The following BRINP2 variants were observed in gnomAD, a reference collection of about 807,000 sequenced individuals.
The protein encoded by BRINP2 is BMP/retinoic acid-inducible neural-specific protein 2.
Under a neutral mutation model 69.2 loss-of-function variants are expected in BRINP2, and 21 were observed. The observed-to-expected ratio is 0.30, with a 90% CI of 0.22 to 0.44. The LOEUF (loss-of-function observed/expected upper bound fraction) is 0.44. Ranked by LOEUF, BRINP2 falls within the 20% of genes least tolerant of loss-of-function variation. The pLI is 1.00. For missense variants in BRINP2, 877 were observed against 986.0 expected (o/e 0.89, Z 1.48); for synonymous variants, 380 against 394.1 (o/e 0.96, Z 0.42).
intron 2 of BRINP2, among the ~76,000 whole-genome samples, chr1:177,240,095 T>G (rs1650148380): frequency 6.6e-6 from 1 of 152,188 alleles, no homozygotes; most frequent in South Asian, 2.1e-4. Context: ...TTCTTTGTTA[T>G]GAGCCCCAGT....
rs141102419 is a variant in BRINP2 at position 177,183,145 on chromosome 1, T to C, written c.-77+11413T>C. On this transcript the variant is annotated intron_variant, in intron 1 of 7. Coordinates refer to ENST00000361539, the MANE Select transcript of BRINP2 (RefSeq NM_021165.4). ...TGATGGCAGTGTGTGAGCTTTTTTT[T>C]TTTTTTTTTTTTTTTTTCTTTTTCT... Among the ~76,000 whole-genome samples, 553 of 144,196 alleles carry C rather than the reference T, an allele frequency of 3.8e-3. 7 individuals are homozygous for C. Among genetic ancestry groups the C allele is most frequent in the African/African-American group, 0.014 (529 of 38,660 alleles). 94.6% of individuals were successfully genotyped at this position (144,196 alleles called of 152,430 possible).
intron 4 of BRINP2, among the ~76,000 whole-genome samples, chr1:177,271,692 G>A (rs180855025): frequency 3.9e-5 from 6 of 152,130 alleles, no homozygotes; most frequent in Non-Finnish European, 7.4e-5. Context: ...GCGTGGCCTC[G>A]GTCTAGTTCT....
At chr1:177,192,618 G>A (rs1374810237) in intron 1 of BRINP2, among the ~76,000 whole-genome samples, 1 of 152,114 alleles carries the variant, frequency 6.6e-6, no homozygotes, top group East Asian at 1.9e-4. Flanking sequence ...GTATAGATGA[G>A]TTTCAACTTT....
At chr1:177,267,192 ACT>A (rs934385996) in intron 4 of BRINP2, among the ~76,000 whole-genome samples, 3 of 152,170 alleles carry the variant, frequency 2.0e-5, no homozygotes, top group Non-Finnish European at 2.9e-5. Flanking sequence ...TATTAAGAGA[ACT>A]CTGGTGAAAA....
At chr1:177,278,066 G>A (rs1279566448) in intron 6 of BRINP2, among the ~76,000 whole-genome samples, 2 of 152,190 alleles carry the variant, frequency 1.3e-5, no homozygotes, top group Non-Finnish European at 2.9e-5. Flanking sequence ...TCAGGGACTG[G>A]AGGATTTATA....
intron 1 of BRINP2, among the ~76,000 whole-genome samples, chr1:177,181,123 T>A (rs1648234020): frequency 6.6e-6 from 1 of 152,214 alleles, no homozygotes; most frequent in Non-Finnish European, 1.5e-5. Context: ...TTACCCAAGA[T>A]CTCACATCTA....
intron 1 of BRINP2, among the ~76,000 whole-genome samples, chr1:177,175,290 T>TGG (rs143330175): frequency 3.6e-4 from 54 of 149,360 alleles, no homozygotes; most frequent in Middle Eastern, 6.8e-3. Flanking sequence ...AAAAGCGGGG[T>TGG]GGGGGGGGCA....
chr1:177,237,169 G>C (rs1231955895), intron 2 of BRINP2, among the ~76,000 whole-genome samples: 3 of 152,274 alleles, frequency 2.0e-5, no homozygotes, highest in Admixed American at 6.5e-5. Context: ...ATTGGATTCA[G>C]GGTAAGGTTA....
intron 4 of BRINP2, among the ~76,000 whole-genome samples, chr1:177,265,229 G>A (rs887408036): frequency 6.6e-6 from 1 of 152,124 alleles, no homozygotes; most frequent in Non-Finnish European, 1.5e-5. Flanking sequence ...TTAATAAATG[G>A]TGCTGGGAAA....
intron 3 of BRINP2, chr1:177,256,349 T>G: frequency 3.0e-6 from 3 of 985,406 alleles, no homozygotes; most frequent in Non-Finnish European, 3.6e-6. Context: ...GTGGACAGGC[T>G]CCTAACAAGC....
At chr1:177,269,692 T>G (rs1651243233) in intron 4 of BRINP2, among the ~76,000 whole-genome samples, 1 of 152,144 alleles carries the variant, frequency 6.6e-6, no homozygotes, top group Admixed American at 6.5e-5. Context: ...TGCTCTTAGT[T>G]TGCAGGTGTC....
intron 6 of BRINP2, among the ~76,000 whole-genome samples, chr1:177,277,355 A>G (rs1289298663): frequency 2.6e-5 from 4 of 152,144 alleles, no homozygotes; most frequent in African/African-American, 9.6e-5. Context: ...ATCTGGATAG[A>G]GAGAAAGGGA....
In BRINP2 at chr1:177,280,995, G is replaced by A. The variant is rs761440262; in HGVS notation, c.1819G>A (p.Glu607Lys). 6.8e-6 allele frequency: 11 copies of A among 1,614,088 alleles called. No individual in the cohort carries two copies. In the African/African-American group the frequency reaches 1.5e-4, roughly 22 times the overall value. ...HSESWFMPVNEGSFPDWERTN... is the reference protein window; with the variant it reads ...HSESWFMPVNKGSFPDWERTN... ...TGAGAGCTGGTTCATGCCTGTGAAT[G>A]AGGGCAGCTTTCCTGACTGGGAAAG... Residue 607 changes from glutamate to lysine, a missense_variant, in exon 8 of 8, where the codon GAG (glutamate) becomes AAG (lysine). By Grantham distance (56) the Glu-to-Lys change is moderately conservative (BLOSUM62 1). This residue lies in a region of BRINP2 where 225 missense variants were observed against 218.7 expected (regional missense o/e 1.03). Coordinates refer to ENST00000361539, the MANE Select transcript of BRINP2 (RefSeq NM_021165.4).
At chr1:177,234,016 C>A (rs1367594862) in intron 2 of BRINP2, among the ~76,000 whole-genome samples, 4 of 152,178 alleles carry the variant, frequency 2.6e-5, no homozygotes, top group African/African-American at 9.7e-5. Context: ...CTCAGCATGT[C>A]TTTGAGCCTT....
chr1:177,200,089 C>T (rs1571893898), intron 1 of BRINP2, among the ~76,000 whole-genome samples: 3 of 151,788 alleles, frequency 2.0e-5, no homozygotes, highest in East Asian at 1.9e-4. Flanking sequence ...GTCAGGAGTT[C>T]GAGACCAGCC....
intron 1 of BRINP2, among the ~76,000 whole-genome samples, chr1:177,183,014 A>AGG (rs1156932812): frequency 6.7e-6 from 1 of 150,308 alleles, no homozygotes; most frequent in Admixed American, 6.6e-5. Flanking sequence ...CTCTCAGTGC[A>AGG]GGGCAGCATG....
chr1:177,256,784 G>A, intron 3 of BRINP2: 1 of 1,131,412 alleles, frequency 8.8e-7, no homozygotes, highest in Non-Finnish European at 1.1e-6. Flanking sequence ...GTTTGATGGG[G>A]AGGAGGGAGA....
chr1:177,189,072 A>T (rs889168435), intron 1 of BRINP2, among the ~76,000 whole-genome samples: 6 of 152,216 alleles, frequency 3.9e-5, no homozygotes, highest in Non-Finnish European at 8.8e-5. Flanking sequence ...AGGGAGAGAC[A>T]CACGTAATGT....
intron 1 of BRINP2, among the ~76,000 whole-genome samples, chr1:177,194,476 A>T (rs114336520): frequency 8.5e-5 from 13 of 152,274 alleles, no homozygotes; most frequent in African/African-American, 3.1e-4. Flanking sequence ...TGAAAAGGAC[A>T]TCCATGTTTT....
Sources: allele counts gnomAD v4.1 joint callset (sites outside exome capture counted in the v4.1 genomes callset), GRCh38; gene constraint gnomAD v4.1.1; regional missense constraint gnomAD v4.1.1; transcripts MANE v1.5; gene names NCBI Gene and HGNC (gene_info 2026-07-23, HGNC 2026-07-21).